Variants in SIDT1 observed in about 807,000 individuals in gnomAD.
SIDT1 encodes the protein SID1 transmembrane family member 1.
In SIDT1, 101 loss-of-function variants were observed where a neutral mutation model predicts 107.5. The observed-to-expected ratio is 0.94, with a 90% CI of 0.80 to 1.11. The LOEUF is 1.11. SIDT1 is among the 50% of genes least tolerant of loss of function. The pLI is 0.00. For missense variants in SIDT1, 1,076 were observed against 1,058.2 expected, an observed-to-expected ratio of 1.02 and a Z score of -0.23; for synonymous variants, 395 against 398.2, an observed-to-expected ratio of 0.99 and a Z score of 0.10.
chr3:113,620,828 A>C (rs1576985873), intron 21 of SIDT1, among the ~76,000 whole-genome samples: 1 of 152,220 alleles, frequency 6.6e-6, no homozygotes, highest in African/African-American at 2.4e-5. Context: ...CAACCTCTTG[A>C]TAATGACCAA....
At chr3:113,560,055 G>A (rs1045850647) in intron 1 of SIDT1, among the ~76,000 whole-genome samples, 1 of 152,288 alleles carries the variant, frequency 6.6e-6, no homozygotes, top group East Asian at 1.9e-4. Flanking sequence ...AGTCATGATT[G>A]TTCCATCGCT....
At chr3:113,572,667 A>G (rs1261997345) in intron 3 of SIDT1, among the ~76,000 whole-genome samples, 2 of 152,252 alleles carry the variant, frequency 1.3e-5, no homozygotes, top group African/African-American at 4.8e-5. Flanking sequence ...TGTGTATGGC[A>G]GCAACAAGGT....
chr3:113,572,793 C>G (rs1172893192), intron 3 of SIDT1, among the ~76,000 whole-genome samples: 4 of 152,166 alleles, frequency 2.6e-5, no homozygotes, highest in Non-Finnish European at 4.4e-5. Context: ...TTCAGCCCTC[C>G]TCTAGCCTTC....
chr3:113,611,015 C>T lies in SIDT1; in HGVS notation c.1728C>T (p.Ser576=). 6.2e-7 allele frequency: 1 copy of T among 1,613,882 alleles called. No individual in the cohort carries two copies. Among genetic ancestry groups the T allele is most frequent in the Non-Finnish European group, 8.5e-7 (1 of 1,179,868 alleles). ...PNYSNFQFDT[S]FMYMIAGLCM... ...CCTCCTTTGGGTCCTCAGACACCTCCTTCATGTACATGATCGCTGGCCTGT... is the reference window on the plus strand; with the variant it reads ...CCTCCTTTGGGTCCTCAGACACCTCTTTCATGTACATGATCGCTGGCCTGT... The change falls in exon 18 of 25, where the codon TCC becomes TCT. Residue 576 remains serine, a synonymous_variant. Coordinates refer to ENST00000264852, the MANE Select transcript of SIDT1 (RefSeq NM_017699.3).
intron 4 of SIDT1, among the ~76,000 whole-genome samples, chr3:113,578,354 C>G (rs1028110593): frequency 6.6e-6 from 1 of 151,796 alleles, no homozygotes; most frequent in East Asian, 1.9e-4. Flanking sequence ...GTGGTCCCAG[C>G]TACTCGGGAG....
intron 1 of SIDT1, among the ~76,000 whole-genome samples, chr3:113,545,090 G>C (rs544788165): frequency 6.9e-6 from 1 of 144,216 alleles, no homozygotes; most frequent in Non-Finnish European, 1.5e-5. Flanking sequence ...ACTCCAGCCC[G>C]GGCGACAGAG....
At chr3:113,541,329 C>G (rs1425849837) in intron 1 of SIDT1, among the ~76,000 whole-genome samples, 3 of 152,100 alleles carry the variant, frequency 2.0e-5, no homozygotes, top group Non-Finnish European at 4.4e-5. Context: ...GCCACCACAC[C>G]CAGCTAGTTT....
intron 14 of SIDT1, among the ~76,000 whole-genome samples, chr3:113,605,998 G>A (rs116605885): frequency 2.5e-3 from 361 of 146,440 alleles, no homozygotes; most frequent in African/African-American, 8.5e-3. Flanking sequence ...GAGTGAGACC[G>A]TGTCTCAAGA....
intron 9 of SIDT1, among the ~76,000 whole-genome samples, chr3:113,588,154 T>A (rs1436626648): frequency 6.6e-6 from 1 of 152,196 alleles, no homozygotes; most frequent in East Asian, 1.9e-4. Context: ...TTTAGCCAAC[T>A]AAGCCAAGCA....
intron 8 of SIDT1, among the ~76,000 whole-genome samples, chr3:113,584,970 C>A (rs1943634494): frequency 6.6e-6 from 1 of 152,128 alleles, no homozygotes; most frequent in South Asian, 2.1e-4. Flanking sequence ...AAGTCCCTTC[C>A]CAGCTTCTAC....
intron 3 of SIDT1, among the ~76,000 whole-genome samples, chr3:113,576,298 T>C (rs900500092): frequency 1.3e-5 from 2 of 152,216 alleles, no homozygotes; most frequent in Admixed American, 1.3e-4. Context: ...GTGGTATTTA[T>C]GTTTTAAAGG....
At chr3:113,560,244 T>A (rs1247225656) in intron 1 of SIDT1, among the ~76,000 whole-genome samples, 1 of 152,168 alleles carries the variant, frequency 6.6e-6, no homozygotes, top group Non-Finnish European at 1.5e-5. Context: ...GCCCAACTTG[T>A]AGGAAGCCTG....
downstream of SIDT1, chr3:113,632,562 C>T (rs952402605): frequency 6.6e-6 from 1 of 152,142 alleles, no homozygotes; most frequent in East Asian, 1.9e-4. Context: ...GGGTGCATTT[C>T]CCCTTTATCC....
At chr3:113,632,042 G>GTT (rs1947098658), downstream of SIDT1, among the ~76,000 whole-genome samples, 1 of 151,900 alleles carries the variant, frequency 6.6e-6, no homozygotes, top group South Asian at 2.1e-4. Context: ...CATTTCACTG[G>GTT]AGATGAACAA....
At chr3:113,566,770 C>T (rs1433193374) in intron 2 of SIDT1, among the ~76,000 whole-genome samples, 1 of 152,176 alleles carries the variant, frequency 6.6e-6, no homozygotes, top group African/African-American at 2.4e-5. Context: ...AGAGCTTTTA[C>T]CATTTTAAAA....
intron 6 of SIDT1, among the ~76,000 whole-genome samples, 186 bp from the exon 7 acceptor site, chr3:113,583,223 A>T (rs974602278): frequency 2.6e-5 from 4 of 152,182 alleles, no homozygotes; most frequent in Admixed American, 2.0e-4. Context: ...GGATGTAACA[A>T]TTATCTTAGA....
intron 20 of SIDT1, among the ~76,000 whole-genome samples, chr3:113,616,520 A>G (rs1192426717): frequency 6.6e-6 from 1 of 151,938 alleles, no homozygotes; most frequent in Admixed American, 6.6e-5. Context: ...GCATGGGAGG[A>G]GGGAGAAGAT....
chr3:113,583,209 T>G (rs1390520012), intron 6 of SIDT1, among the ~76,000 whole-genome samples, 200 bp from the exon 7 acceptor site: 2 of 152,214 alleles, frequency 1.3e-5, no homozygotes, highest in Non-Finnish European at 2.9e-5. Context: ...TACCTTAATT[T>G]CTTGGATGTA....
chr3:113,569,282 A>G (rs1942231793), intron 3 of SIDT1, among the ~76,000 whole-genome samples: 2 of 152,168 alleles, frequency 1.3e-5, no homozygotes, highest in African/African-American at 2.4e-5. Context: ...AGAGAAGTAC[A>G]TGGCTATGTT....
Sources: gnomAD v4.1 joint callset for allele counts (sites outside exome capture counted in the v4.1 genomes callset) on GRCh38, gnomAD v4.1.1 for gene constraint, MANE v1.5 for transcripts, NCBI Gene and HGNC (gene_info 2026-07-23, HGNC 2026-07-21) for gene names.